DNAH12: variants seen among roughly 807,000 people sequenced by gnomAD.
The protein encoded by DNAH12 is axonemal beta dynein heavy chain 12.
In DNAH12, 285 loss-of-function variants were observed where a neutral mutation model predicts 371.5. The ratio of observed to expected loss-of-function variants is 0.77; its 90% CI spans 0.70 to 0.85. The LOEUF is 0.85. Among genes scored for constraint, DNAH12 ranks in the 40% least tolerant of loss-of-function variants. The pLI, the probability that DNAH12 is intolerant of heterozygous loss-of-function variation, is 0.00. For missense variants in DNAH12, 3,611 were observed against 3,689.4 expected, an observed-to-expected ratio of 0.98 and a Z score of 0.55; for synonymous variants, 1,200 against 1,213.0, an observed-to-expected ratio of 0.99 and a Z score of 0.22.
chr3:57,373,740 A>G (rs1459362864), intron 55 of DNAH12, among the ~76,000 whole-genome samples: 1 of 152,214 alleles, frequency 6.6e-6, no homozygotes, highest in African/African-American at 2.4e-5. Flanking sequence ...GTTAAACAGA[A>G]TGATCCCTGC....
chr3:57,544,508 TTTTG>T (rs1031488714), upstream of DNAH12, among the ~76,000 whole-genome samples: 53 of 152,018 alleles, frequency 3.5e-4, no homozygotes, highest in African/African-American at 1.2e-3. Context: ...GGGTGTGAGG[TTTTG>T]TTTGTTTGTT....
intron 32 of DNAH12, 124 bp downstream of exon 32, chr3:57,433,243 T>A: frequency 8.5e-7 from 1 of 1,171,466 alleles, no homozygotes; most frequent in Non-Finnish European, 1.1e-6. Flanking sequence ...TTTATAAACC[T>A]ACTCAACTTG....
rs548750794 is a variant in DNAH12, at chr3:57,458,115, G to A, written c.3037C>T (p.Arg1013Cys). The A allele has an allele frequency of 1.6e-5, 25 of 1,544,940 alleles. No homozygotes were observed. Among genetic ancestry groups the A allele is most frequent in the African/African-American group, 6.9e-5 (5 of 72,702 alleles). The change falls in exon 21 of 74, where the codon CGT becomes TGT. Residue 1013 changes from arginine (R) to cysteine (C), a missense_variant. Physicochemically the swap from Arg to Cys is radical, Grantham distance 180. Transcript: ENST00000495027. ...KGLNAYLEKK[R>C]LFFPRFFFLS... ...TTATCATACCGAGGGAAGAAAAGACGTTTCTTTTCAAGATATGCGTTAAGA... is the reference window on the plus strand; with the variant it reads ...TTATCATACCGAGGGAAGAAAAGACATTTCTTTTCAAGATATGCGTTAAGA...
chr3:57,304,973 G>T (rs1302444628), intron 69 of DNAH12, among the ~76,000 whole-genome samples: 4 of 151,512 alleles, frequency 2.6e-5, no homozygotes, highest in Non-Finnish European at 4.4e-5. Context: ...CTTAGCCTGT[G>T]TTCTGAAGAA....
At chr3:57,344,153 A>G (rs2062480520) in intron 60 of DNAH12, among the ~76,000 whole-genome samples, 1 of 152,266 alleles carries the variant, frequency 6.6e-6, no homozygotes, top group Non-Finnish European at 1.5e-5. Context: ...TTCTTTTCTC[A>G]GTCTCTCGTC....
chr3:57,470,737 CA>C (rs754222935), intron 15 of DNAH12, 101 bp from the exon 16 acceptor site: 69 of 1,066,296 alleles, frequency 6.5e-5, no homozygotes, highest in Middle Eastern at 6.0e-4. Context: ...ATTTATACAA[CA>C]AGTTTATTTT....
chr3:57,331,551 A>G (rs2062095934), intron 62 of DNAH12, among the ~76,000 whole-genome samples: 1 of 152,194 alleles, frequency 6.6e-6, no homozygotes, highest in Non-Finnish European at 1.5e-5. Context: ...ACATTTATGT[A>G]GGCCTCTGTT....
chr3:57,542,141 A>T (rs1377145368), intron 2 of DNAH12, among the ~76,000 whole-genome samples: 2 of 89,072 alleles, frequency 2.2e-5, no homozygotes, highest in African/African-American at 5.3e-5. Flanking sequence ...AATTAGTTTT[A>T]ATTTCCACTA....
intron 69 of DNAH12, among the ~76,000 whole-genome samples, chr3:57,307,839 C>T (rs1051430321): frequency 2.0e-5 from 3 of 152,184 alleles, no homozygotes; most frequent in African/African-American, 4.8e-5. Context: ...CTGTTCCTCA[C>T]CCTGATCACA....
At chr3:57,365,541 A>G (rs2063032348) in intron 57 of DNAH12, among the ~76,000 whole-genome samples, 1 of 152,268 alleles carries the variant, frequency 6.6e-6, no homozygotes, top group South Asian at 2.1e-4. Flanking sequence ...TGATAAGCGC[A>G]GCAAATCACC....
intron 70 of DNAH12, among the ~76,000 whole-genome samples, chr3:57,297,646 G>A (rs138103314): frequency 1.5e-3 from 229 of 152,130 alleles, no homozygotes; most frequent in Admixed American, 4.5e-3. Context: ...GTGAGCCACC[G>A]CGCCCGGCCC....
rs2061862821 is a variant in DNAH12 at position 57,323,686 on chromosome 3, TG to T, written c.9979-68del. Reference sequence around the variant, plus strand: ...TTCACATAATGGATATGAATATTATTGAAAAACAACAAAGAATACAATTTGA... The same window carrying T: ...TTCACATAATGGATATGAATATTATTAAAAACAACAAAGAATACAATTTGA... On this transcript the variant is annotated intron_variant, in intron 62 of 73. Transcript: ENST00000495027. 2.9e-6 allele frequency: 4 copies of T among 1,399,188 alleles called. No individual in the cohort carries two copies. The African/African-American group carries it at 5.9e-5, about 21-fold the overall frequency. 86.7% of individuals were successfully genotyped at this position (1,399,188 alleles called of 1,614,324 possible). A position where few individuals can be genotyped will look rare whatever the true frequency, so the allele number is the denominator to read the frequency against.
intron 69 of DNAH12, 89 bp downstream of exon 69, chr3:57,309,062 G>C: frequency 1.9e-6 from 2 of 1,045,114 alleles, no homozygotes; most frequent in Non-Finnish European, 2.6e-6. Context: ...CAAAATTTTC[G>C]CCGCCCCAAC....
At chr3:57,427,551 G>A (rs773799427) in intron 34 of DNAH12, among the ~76,000 whole-genome samples, 24 of 152,064 alleles carry the variant, frequency 1.6e-4, no homozygotes, top group African/African-American at 5.3e-4. Context: ...TTAGCTGGGT[G>A]TGGTGGCATG....
At chr3:57,553,783 C>G in the DNAH12 span, among the ~76,000 whole-genome samples, 124 of 151,630 alleles carry the variant, frequency 8.2e-4, no homozygotes, top group Non-Finnish European at 1.6e-3. Context: ...TCTGTCTGAC[C>G]AATTGATGTA....
At chr3:57,465,646 A>G (rs2066177491) in intron 17 of DNAH12, among the ~76,000 whole-genome samples, 1 of 152,168 alleles carries the variant, frequency 6.6e-6, no homozygotes, top group Non-Finnish European at 1.5e-5. Flanking sequence ...TAAAATTAAA[A>G]GGGTTCTGCA....
Position 57,366,895 on chromosome 3 carries a change from C to CA in DNAH12, c.9000dup (p.Glu3001Ter), listed in dbSNP as rs1279678294. ...TCAAAGGAATACTCAATAATGACCTCACCAAGTCTGATGCAATCAATGCCA... is the reference window on the plus strand; with the variant it reads ...TCAAAGGAATACTCAATAATGACCTCAACCAAGTCTGATGCAATCAATGCCA... On this transcript the variant is annotated frameshift_variant, in exon 57 of 74. Coordinates refer to ENST00000495027, the MANE Select transcript of DNAH12 (RefSeq NM_001366028.2). LOFTEE classifies it high-confidence loss of function. 6.6e-6 allele frequency: 1 copy of CA among 152,198 alleles called. No individual in the cohort carries two copies. The highest frequency in any genetic ancestry group is 1.5e-5 in the Non-Finnish European group (1 of 68,046). The allele number at this position is 152,198 out of a possible 1,614,324, so 9.4% of individuals were successfully genotyped here.
intron 43 of DNAH12, chr3:57,402,435 G>T: frequency 1.5e-6 from 2 of 1,304,736 alleles, no homozygotes; most frequent in African/African-American, 3.0e-5. Flanking sequence ...AAGCTCTAAA[G>T]AAACTATTAA....
intron 37 of DNAH12, among the ~76,000 whole-genome samples, chr3:57,418,256 A>AC (rs1296416868): frequency 1.3e-5 from 2 of 151,240 alleles, no homozygotes; most frequent in African/African-American, 4.9e-5. Flanking sequence ...TTCTTGGCAC[A>AC]AAAGAACTGT....
Sources: gnomAD v4.1 joint callset for allele counts (sites outside exome capture counted in the v4.1 genomes callset) on GRCh38, gnomAD v4.1.1 for gene constraint, MANE v1.5 for transcripts, NCBI Gene and HGNC (gene_info 2026-07-23, HGNC 2026-07-21) for gene names.